CNTN3: variants seen among roughly 807,000 people sequenced by gnomAD.
The protein encoded by CNTN3 is contactin 3, also known as contactin-3.
CNTN3 carries 60 observed loss-of-function variants against 119.1 expected under a neutral mutation model. The ratio of observed to expected loss-of-function variants is 0.50; its 90% confidence interval spans 0.41 to 0.62. The LOEUF is 0.62. Among genes scored for constraint, CNTN3 ranks in the 20% least tolerant of loss-of-function variants. CNTN3 has a pLI of 0.00. For missense variants in CNTN3, 1,101 were observed against 1,242.4 expected (o/e 0.89, Z 1.71); for synonymous variants, 450 against 438.7 (o/e 1.03, Z -0.32).
intron 2 of CNTN3, among the ~76,000 whole-genome samples, chr3:74,518,364 A>G (rs1311059019): frequency 6.6e-6 from 1 of 152,016 alleles, no homozygotes; most frequent in Non-Finnish European, 1.5e-5. Context: ...ATGATTTGAA[A>G]TAAGTTTTTC....
chr3:74,345,470 C>T (rs1016408993), intron 11 of CNTN3, among the ~76,000 whole-genome samples: 9 of 152,188 alleles, frequency 5.9e-5, no homozygotes, highest in South Asian at 2.1e-4. Context: ...TAAAAACATA[C>T]GTGAGAAATA....
intron 4 of CNTN3, among the ~76,000 whole-genome samples, chr3:74,435,034 A>C (rs1453166206): frequency 2.6e-5 from 4 of 152,144 alleles, no homozygotes; most frequent in African/African-American, 9.7e-5. Context: ...AGACTCCCAC[A>C]ACCAGTTTGG....
chr3:74,406,578 T>C (rs1705328633), intron 5 of CNTN3, among the ~76,000 whole-genome samples: 1 of 152,026 alleles, frequency 6.6e-6, no homozygotes, highest in South Asian at 2.1e-4. Context: ...AAGGCTTCGG[T>C]TCATTCTAAA....
chr3:74,441,997 G>A (rs528659250), intron 4 of CNTN3, among the ~76,000 whole-genome samples: 1 of 151,876 alleles, frequency 6.6e-6, no homozygotes, highest in Non-Finnish European at 1.5e-5. Context: ...ATTACATACT[G>A]AGGTAGAAGG....
chr3:74,546,249 C>A (rs1287971175), intron 1 of CNTN3, among the ~76,000 whole-genome samples: 2 of 152,132 alleles, frequency 1.3e-5, no homozygotes, highest in Non-Finnish European at 2.9e-5. Context: ...CACGCCTCAG[C>A]CTCCCAAAGT....
intron 11 of CNTN3, among the ~76,000 whole-genome samples, chr3:74,356,368 A>C (rs960279016): frequency 6.6e-6 from 1 of 152,128 alleles, no homozygotes; most frequent in Non-Finnish European, 1.5e-5. Flanking sequence ...TTCTTCCTGG[A>C]ATACTCTTCT....
intron 19 of CNTN3, among the ~76,000 whole-genome samples, chr3:74,289,386 CAT>C (rs1178075749): frequency 1.3e-5 from 2 of 152,148 alleles, no homozygotes; most frequent in East Asian, 1.9e-4. Context: ...AGCGGCAATG[CAT>C]TTCAACCTGT....
At chr3:74,454,698 G>T (rs950166292) in intron 4 of CNTN3, among the ~76,000 whole-genome samples, 1 of 151,938 alleles carries the variant, frequency 6.6e-6, no homozygotes, top group African/African-American at 2.4e-5. Flanking sequence ...CTCTTTTAGG[G>T]CAGGCCTGGT....
chr3:74,272,182 TA>T (rs548674653), intron 20 of CNTN3, among the ~76,000 whole-genome samples: 2 of 152,174 alleles, frequency 1.3e-5, no homozygotes, highest in East Asian at 1.9e-4. Context: ...TGATGAGCTT[TA>T]AAAAAAATCA....
At chr3:74,490,094 T>C (rs1453853951) in intron 3 of CNTN3, among the ~76,000 whole-genome samples, 1 of 152,196 alleles carries the variant, frequency 6.6e-6, no homozygotes, top group African/African-American at 2.4e-5. Flanking sequence ...CTGGATGACA[T>C]TGGTACCTGC....
intron 20 of CNTN3, among the ~76,000 whole-genome samples, chr3:74,270,014 G>T (rs116233556): frequency 6.6e-6 from 1 of 152,088 alleles, no homozygotes; most frequent in African/African-American, 2.4e-5. Context: ...TATGTTATGT[G>T]TACTTTACTA....
intron 1 of CNTN3, among the ~76,000 whole-genome samples, chr3:74,588,240 T>A (rs1386776223): frequency 6.6e-6 from 1 of 152,100 alleles, no homozygotes; most frequent in African/African-American, 2.4e-5. Context: ...CTTAAGCTGA[T>A]AAGCAACTTC....
At chr3:74,438,480 C>T (rs1374118818) in intron 4 of CNTN3, among the ~76,000 whole-genome samples, 1 of 152,216 alleles carries the variant, frequency 6.6e-6, no homozygotes, top group Non-Finnish European at 1.5e-5. Flanking sequence ...AACCCTGTGT[C>T]TTTTCCTAGC....
intron 5 of CNTN3, among the ~76,000 whole-genome samples, chr3:74,402,767 A>T (rs1351632913): frequency 6.6e-6 from 1 of 152,206 alleles, no homozygotes; most frequent in East Asian, 1.9e-4. Context: ...CAGGTGATAC[A>T]ATAAAGAGCG....
chr3:74,578,513 G>T (rs1321934838), intron 1 of CNTN3, among the ~76,000 whole-genome samples: 1 of 151,956 alleles, frequency 6.6e-6, no homozygotes, highest in Non-Finnish European at 1.5e-5. Context: ...AGTCCATTTT[G>T]CAAGTTCATT....
intron 1 of CNTN3, among the ~76,000 whole-genome samples, chr3:74,580,061 C>A (rs1704478506): frequency 6.6e-6 from 1 of 152,092 alleles, no homozygotes; most frequent in South Asian, 2.1e-4. Context: ...GGCAACATCA[C>A]AACAGATGCT....
At chr3:74,458,391 T>C (rs1212353989) in intron 4 of CNTN3, among the ~76,000 whole-genome samples, 5 of 151,838 alleles carry the variant, frequency 3.3e-5, no homozygotes. Flanking sequence ...GGCTTGTATA[T>C]TTTAAGTTGC....
chr3:74,374,074 G>A (rs1393076229), intron 5 of CNTN3, among the ~76,000 whole-genome samples: 1 of 152,062 alleles, frequency 6.6e-6, no homozygotes, highest in Non-Finnish European at 1.5e-5. Context: ...TGCTAATGCT[G>A]GCTCGTTCCT....
intron 11 of CNTN3, among the ~76,000 whole-genome samples, chr3:74,357,566 A>C (rs1441628850): frequency 6.6e-6 from 1 of 152,158 alleles, no homozygotes; most frequent in African/African-American, 2.4e-5. Context: ...TACAGGCGTG[A>C]CCCACTGCAC....
Sources: allele counts gnomAD v4.1 joint callset (sites outside exome capture counted in the v4.1 genomes callset), GRCh38; gene constraint gnomAD v4.1.1; transcripts MANE v1.5; gene names NCBI Gene and HGNC (gene_info 2026-07-23, HGNC 2026-07-21).